Variants in CDH4 observed in about 807,000 individuals in gnomAD.
CDH4 encodes cadherin-4.
A neutral mutation model predicts 86.0 loss-of-function variants in CDH4; 33 were observed. That is an observed-to-expected ratio of 0.38 (90% CI 0.29 to 0.51). CDH4 has a LOEUF of 0.51. Ranked by LOEUF, CDH4 falls within the 20% of genes least tolerant of loss-of-function variation. The pLI, the probability that CDH4 is intolerant of heterozygous loss-of-function variation, is 0.86. For missense variants in CDH4, 1,114 were observed against 1,307.4 expected (o/e 0.85, Z 2.28); for synonymous variants, 555 against 549.4 (o/e 1.01, Z -0.14).
intron 2 of CDH4, among the ~76,000 whole-genome samples, chr20:61,429,951 A>G (rs1458131263): frequency 2.0e-5 from 3 of 152,232 alleles, no homozygotes; most frequent in African/African-American, 7.2e-5. Context: ...AATTTCAGGC[A>G]TATTTGTGTG....
At position 61,643,205 on chromosome 20, in the gene CDH4, G is replaced by C. The variant is rs531470018; in HGVS notation, c.170-100358G>C. The stretch of plus-strand genomic sequence containing the variant: ...AACATGAGAGAAAGCATCACAGGGA[G>C]GGGGGGTGTAGAGAGAGCCAGACTG... On this transcript the variant is annotated intron_variant, in intron 2 of 15. Coordinates refer to ENST00000614565, the MANE Select transcript of CDH4 (RefSeq NM_001794.5). Among the ~76,000 whole-genome samples the C allele has an allele frequency of 8.2e-5, 12 of 147,104 alleles. No individual in the cohort carries two copies. In the South Asian group the frequency reaches 1.0e-3, roughly 13 times the overall value.
rs765608568 is a variant in CDH4, at chr20:61,392,061, T to C, written c.169+137124T>C. 2.0e-5 allele frequency among the ~76,000 whole-genome samples: 3 copies of C among 151,922 alleles called. No individual in the cohort carries two copies. The highest frequency in any genetic ancestry group is 4.4e-5 in the Non-Finnish European group (3 of 68,010). On this transcript the variant is annotated intron_variant, in intron 2 of 15. Transcript: ENST00000614565. This position sits in a 1 kb window ranked among gnomAD's most constrained non-coding sequence, Gnocchi z 5.7. ...AACCCTTCCCCCGCCTCGCTTGCCG[T>C]GGGTTTCAGCATCGCGGGGGCTGTG...
At chr20:61,776,476 T>C (rs2088844116) in intron 4 of CDH4, among the ~76,000 whole-genome samples, 2 of 152,218 alleles carry the variant, frequency 1.3e-5, no homozygotes, top group African/African-American at 4.8e-5. Flanking sequence ...GCTTCTCCTG[T>C]TCTGGGGTCT....
intron 4 of CDH4, among the ~76,000 whole-genome samples, chr20:61,806,561 A>G (rs951073227): frequency 7.8e-5 from 8 of 102,270 alleles, no homozygotes; most frequent in African/African-American, 2.7e-4. Context: ...ACGCACACAC[A>G]TGTCCACGCG....
intron 4 of CDH4, among the ~76,000 whole-genome samples, chr20:61,801,248 C>T (rs778400881): frequency 3.3e-5 from 5 of 152,238 alleles, no homozygotes; most frequent in Non-Finnish European, 7.4e-5. Flanking sequence ...GGTGGTCCCC[C>T]GACACCTAGA....
chr20:61,330,881 T>C (rs2084569025), intron 2 of CDH4, among the ~76,000 whole-genome samples: 1 of 152,162 alleles, frequency 6.6e-6, no homozygotes, highest in Non-Finnish European at 1.5e-5. Context: ...ATGATAAAGA[T>C]TGAGTTGTTT....
At chr20:61,515,905 G>C (rs2427155) in intron 2 of CDH4, among the ~76,000 whole-genome samples, 83,668 of 151,642 alleles carry the variant, frequency 0.55, 23,408 homozygotes, top group African/African-American at 0.64. Context: ...GGCTTGCCCA[G>C]TTCCCCTGGA....
intron 2 of CDH4, among the ~76,000 whole-genome samples, chr20:61,311,672 CTATGGGTTGGA>C (rs2084446272): frequency 6.6e-6 from 1 of 152,146 alleles, no homozygotes; most frequent in African/African-American, 2.4e-5. Flanking sequence ...TGGCCAAGAC[CTATGGGTTGGA>C]TGTATATGCT....
chr20:61,740,241 CA>C (rs1292878289), intron 2 of CDH4, among the ~76,000 whole-genome samples: 4 of 152,154 alleles, frequency 2.6e-5, no homozygotes, highest in Non-Finnish European at 5.9e-5. Flanking sequence ...AGGCAATTCA[CA>C]AGGAAAGACA....
chr20:61,531,481 AAAAAAAAAAAAAAAG>A (rs1402420129), intron 2 of CDH4, among the ~76,000 whole-genome samples: 2 of 146,860 alleles, frequency 1.4e-5, no homozygotes, highest in Admixed American at 1.3e-4. Flanking sequence ...TCAAAAAAAA[AAAAAAAAAAAAAAAG>A]GGATTTAGCA....
chr20:61,838,388 A>G (rs574858074), intron 4 of CDH4, among the ~76,000 whole-genome samples: 85 of 152,132 alleles, frequency 5.6e-4, no homozygotes, highest in South Asian at 1.2e-3. Context: ...GAAAACTCTG[A>G]TGTTGTTGGC....
At chr20:61,740,516 C>T (rs954091179) in intron 2 of CDH4, 5 of 152,166 alleles carry the variant, frequency 3.3e-5, no homozygotes, top group African/African-American at 9.7e-5. Flanking sequence ...TGGTGGGGCA[C>T]AGGAGCAGGT....
rs551524411 is a variant in CDH4, at chr20:61,299,891, G to A, written c.169+44954G>A. Among the ~76,000 whole-genome samples, 10 of 152,292 alleles carry A rather than the reference G, an allele frequency of 6.6e-5. No homozygotes were observed. In the East Asian group the frequency reaches 9.7e-4, roughly 15 times the overall value. ...ATAGAAGCCGCCAGCACTTCCCCGG[G>A]GGCATGACGCTTACAGGAGGTGTGT... is the stretch of plus-strand genomic sequence containing the variant. On this transcript the variant is annotated intron_variant, in intron 2 of 15. Coordinates refer to ENST00000614565, the MANE Select transcript of CDH4 (RefSeq NM_001794.5).
At chr20:61,699,595 C>G (rs2087752218) in intron 2 of CDH4, among the ~76,000 whole-genome samples, 1 of 152,246 alleles carries the variant, frequency 6.6e-6, no homozygotes, top group Admixed American at 6.5e-5. Flanking sequence ...CCTGCCAAGT[C>G]ATGTCCCCAG....
chr20:61,925,580 T>C (rs1197675400), intron 11 of CDH4, among the ~76,000 whole-genome samples: 2 of 152,198 alleles, frequency 1.3e-5, no homozygotes, highest in Non-Finnish European at 2.9e-5. Context: ...CTGCCGCTGC[T>C]CATCAGTGGG....
At chr20:61,351,939 A>G (rs180988598) in intron 2 of CDH4, among the ~76,000 whole-genome samples, 138 of 151,446 alleles carry the variant, frequency 9.1e-4, no homozygotes, top group East Asian at 7.6e-3. Flanking sequence ...CTGGTCTCGA[A>G]CTCCTGGCCT....
intron 2 of CDH4, among the ~76,000 whole-genome samples, chr20:61,412,058 G>A (rs958189164): frequency 6.6e-6 from 1 of 152,206 alleles, no homozygotes; most frequent in African/African-American, 2.4e-5. Context: ...AAGGAAGGAG[G>A]CCTCTTGGTC....
At chr20:61,909,158 G>A (rs1222076547) in intron 8 of CDH4, among the ~76,000 whole-genome samples, 2 of 152,200 alleles carry the variant, frequency 1.3e-5, no homozygotes, top group Non-Finnish European at 2.9e-5. Flanking sequence ...TCCCACCCGG[G>A]GACACTCCCG....
chr20:61,312,405 C>T (rs1284287112), intron 2 of CDH4, among the ~76,000 whole-genome samples: 1 of 145,506 alleles, frequency 6.9e-6, no homozygotes, highest in Non-Finnish European at 1.5e-5. Context: ...GTGGTGTGTG[C>T]ATGTGTGTGT....
Sources: allele counts gnomAD v4.1 joint callset (sites outside exome capture counted in the v4.1 genomes callset), GRCh38; gene constraint gnomAD v4.1.1; non-coding constraint Gnocchi (gnomAD v3.1); transcripts MANE v1.5; gene names NCBI Gene and HGNC (gene_info 2026-07-23, HGNC 2026-07-21).